Variants in MPP1 observed in about 807,000 individuals in gnomAD.
The protein encoded by MPP1 is 55 kDa erythrocyte membrane protein.
Under a neutral mutation model 38.2 loss-of-function variants are expected in MPP1, and 6 were observed. The observed-to-expected ratio is 0.16, with a 90% CI of 0.09 to 0.31. The LOEUF (loss-of-function observed/expected upper bound fraction) is 0.31, where lower values mean the gene tolerates loss of function less well. Ranked by LOEUF, MPP1 falls within the 10% of genes least tolerant of loss-of-function variation. MPP1 has a pLI of 1.00. For missense variants in MPP1, 293 were observed against 368.9 expected, an observed-to-expected ratio of 0.79 and a Z score of 1.69; for synonymous variants, 153 against 146.3, an observed-to-expected ratio of 1.05 and a Z score of -0.33.
At chrX:154,793,830 CTAT>C (rs2072168126) in intron 1 of MPP1, among the ~76,000 whole-genome samples, 1 of 111,715 alleles carries the variant, frequency 9.0e-6, no homozygotes, top group Admixed American at 9.5e-5. Flanking sequence ...TCCTTTATAG[CTAT>C]ATATTTCTTC....
rs370829982 is a variant in MPP1, at chrX:154,783,554, G to A, written c.866-47C>T. ...TCTTTTGGAAAGGGGGGAGAGGAGC[G>A]AGGATAAGATACGGATTTTCCTCTC... On this transcript the variant is annotated intron_variant, in intron 8 of 11. Transcript: ENST00000369534. 29 of 1,065,079 alleles carry A rather than the reference G, an allele frequency of 2.7e-5. No homozygotes were observed. In the South Asian group the frequency reaches 3.3e-4, roughly 12 times the overall value. 87.8% of individuals were successfully genotyped at this position (1,065,079 alleles called of 1,213,427 possible).
At chrX:154,782,954 G>T (rs1318745827) in intron 9 of MPP1, 2 of 112,235 alleles carry the variant, frequency 1.8e-5, no homozygotes, top group African/African-American at 6.5e-5. Context: ...GATCACTGGC[G>T]CTACTCTTCT....
chrX:154,801,789 A>AAAAAAAAAC (rs1569559029), intron 1 of MPP1, among the ~76,000 whole-genome samples: 1 of 98,661 alleles, frequency 1.0e-5, no homozygotes, highest in South Asian at 4.6e-4. Context: ...AAAAAAAACA[A>AAAAAAAAAC]AAAACAGAAA....
At chrX:154,789,550 G>A (rs1557267516) in intron 5 of MPP1, among the ~76,000 whole-genome samples, 1 of 112,017 alleles carries the variant, frequency 8.9e-6, no homozygotes, top group African/African-American at 3.3e-5. Flanking sequence ...TTGATGATCG[G>A]TAAGATAAAA....
At position 154,805,427 on chromosome X, in the gene MPP1, G is replaced by A. The variant is rs1331318740; in HGVS notation, c.-54C>T. The A allele has an allele frequency of 6.5e-6, 7 of 1,075,049 alleles. No individual in the cohort carries two copies. The highest frequency in any genetic ancestry group is 8.8e-6 in the Non-Finnish European group (7 of 792,522). 88.6% of individuals were successfully genotyped at this position (1,075,049 alleles called of 1,213,427 possible). On this transcript the variant is annotated 5_prime_UTR_variant, in exon 1 of 12. Transcript: ENST00000369534. ...AGACAGGGCAGCGCTGGGAATGACA[G>A]GGCCCGGGGCCTGCGGGGCTGCGGA...
chrX:154,793,591 C>T (rs1170510268), intron 1 of MPP1, among the ~76,000 whole-genome samples: 4 of 111,897 alleles, frequency 3.6e-5, no homozygotes, highest in Non-Finnish European at 7.5e-5. Flanking sequence ...GGAGGTGTGG[C>T]TATATGGGTG....
At chrX:154,785,237 C>T (rs946319070) in intron 6 of MPP1, 80 bp from the exon 7 acceptor site, 94 of 549,552 alleles carry the variant, frequency 1.7e-4, no homozygotes, top group Non-Finnish European at 2.4e-4. Context: ...TCTCTAATGG[C>T]ACCCCCTTCA....
At chrX:154,800,198 G>C (rs2072246927) in intron 1 of MPP1, among the ~76,000 whole-genome samples, 1 of 112,086 alleles carries the variant, frequency 8.9e-6, no homozygotes, top group Non-Finnish European at 1.9e-5. Flanking sequence ...ATTCCACTTT[G>C]GGAAAAAACA....
chrX:154,798,173 G>A (rs1183354113), intron 1 of MPP1, among the ~76,000 whole-genome samples: 6 of 112,212 alleles, frequency 5.3e-5, no homozygotes, highest in Admixed American at 4.7e-4. Context: ...CATTGCTGGT[G>A]GGAATGTAAG....
At chrX:154,792,400 G>T in intron 1 of MPP1, 115 bp from the exon 2 acceptor site, 1 of 896,616 alleles carries the variant, frequency 1.1e-6, no homozygotes, top group Non-Finnish European at 1.5e-6. Flanking sequence ...CATAAGTTTG[G>T]CCTCATTCTT....
chrX:154,804,717 C>T (rs1326460148), intron 1 of MPP1: 2 of 340,552 alleles, frequency 5.9e-6, no homozygotes, highest in Middle Eastern at 4.3e-4. Flanking sequence ...TCTTTGAGGA[C>T]GGAGGTTAAT....
intron 2 of MPP1, 116 bp from the exon 3 acceptor site, chrX:154,791,963 C>T: frequency 2.1e-6 from 2 of 951,820 alleles, no homozygotes; most frequent in Non-Finnish European, 3.0e-6. Context: ...CCAGGATAGT[C>T]CTCAACTAGA....
intron 5 of MPP1, among the ~76,000 whole-genome samples, chrX:154,786,842 G>A (rs1369684519): frequency 1.1e-5 from 1 of 90,399 alleles, no homozygotes; most frequent in African/African-American, 4.2e-5. Flanking sequence ...CTTGCAGTGA[G>A]CCGAGATTGT....
At chrX:154,800,375 C>T (rs2072248638) in intron 1 of MPP1, among the ~76,000 whole-genome samples, 1 of 112,040 alleles carries the variant, frequency 8.9e-6, no homozygotes, top group Non-Finnish European at 1.9e-5. Context: ...TTCTCAGGTA[C>T]TAAATCCATC....
chrX:154,805,440 G>A lies in MPP1; in HGVS notation c.-67C>T, dbSNP rs1449970186. The A allele has an allele frequency of 1.2e-5, 12 of 1,032,909 alleles. No individual in the cohort carries two copies. The highest frequency in any genetic ancestry group is 1.6e-5 in the Non-Finnish European group (12 of 758,495). The allele number at this position is 1,032,909 out of a possible 1,213,427, so 85.1% of individuals were successfully genotyped here. On this transcript the variant is annotated 5_prime_UTR_variant, in exon 1 of 12. Transcript: ENST00000369534. ...CTGGGAATGACAGGGCCCGGGGCCT[G>A]CGGGGCTGCGGAGAAGGCGGGAGAC...
intron 1 of MPP1, chrX:154,799,916 A>C: frequency 2.7e-6 from 3 of 1,119,659 alleles, no homozygotes; most frequent in Non-Finnish European, 3.6e-6. Context: ...AAGAGATGAA[A>C]AACAAACTTG....
rs1400611085 is a variant in MPP1, at chrX:154,788,559, A to G, written c.480+1395T>C. Among the ~76,000 whole-genome samples the G allele has an allele frequency of 3.6e-5, 4 of 112,084 alleles. No homozygotes were observed. The East Asian group carries it at 1.1e-3, about 31-fold the overall frequency. ...GAACTGTCATACTGTGCAGTTGGGG[A>G]TGTAACATGGTTCACCAACTTTGGA... On this transcript the variant is annotated intron_variant, in intron 5 of 11. Coordinates refer to ENST00000369534, the MANE Select transcript of MPP1 (RefSeq NM_002436.4).
chrX:154,792,342 G>A, intron 1 of MPP1, 57 bp from the exon 2 acceptor site: 3 of 1,134,774 alleles, frequency 2.6e-6, no homozygotes, highest in Non-Finnish European at 3.6e-6. Flanking sequence ...CCCACAGCCA[G>A]TCCACAATCT....
chrX:154,783,217 A>G (rs1557266812), intron 9 of MPP1: 1 of 218,605 alleles, frequency 4.6e-6, no homozygotes, highest in African/African-American at 2.9e-5. Flanking sequence ...TGTTATGTAG[A>G]CAAACAGCAC....
Sources: gnomAD v4.1 joint callset for allele counts (sites outside exome capture counted in the v4.1 genomes callset) on GRCh38, gnomAD v4.1.1 for gene constraint, MANE v1.5 for transcripts, NCBI Gene and HGNC (gene_info 2026-07-23, HGNC 2026-07-21) for gene names.